Variants in RIMKLB observed in about 807,000 individuals in gnomAD.
The protein encoded by RIMKLB is beta-citrylglutamate synthase B.
Under a neutral mutation model 32.0 loss-of-function variants are expected in RIMKLB, and 7 were observed. The ratio of observed to expected loss-of-function variants is 0.22; its 90% confidence interval spans 0.12 to 0.41. RIMKLB has a LOEUF of 0.41. Among genes scored for constraint, RIMKLB ranks in the 10% least tolerant of loss-of-function variants. RIMKLB has a pLI of 1.00. For synonymous variants in RIMKLB, 172 were observed against 185.1 expected, an observed-to-expected ratio of 0.93 and a Z score of 0.57; for missense variants, 289 against 498.7, an observed-to-expected ratio of 0.58 and a Z score of 4.00.
chr12:8,752,609 A>G (rs1271625796), intron 4 of RIMKLB, among the ~76,000 whole-genome samples: 2 of 152,238 alleles, frequency 1.3e-5, no homozygotes, highest in Non-Finnish European at 2.9e-5. Flanking sequence ...TTGCCCTCTA[A>G]AGATATATAG....
At position 8,754,026 on chromosome 12, in the gene RIMKLB, A is replaced by AG. The variant is rs775480604; in HGVS notation, c.632dup (p.Arg212ProfsTer32). On this transcript the variant is annotated frameshift_variant, in exon 5 of 6. Coordinates refer to ENST00000535829, the MANE Select transcript of RIMKLB (RefSeq NM_001297776.2). LOFTEE classifies it high-confidence loss of function. ...GGGATGTACGTGTCATTGTCGTGGG[A>AG]GGCCGTGTGGTTGGCACCATGTTAC... 6.2e-7 allele frequency: 1 copy of AG among 1,614,034 alleles called. No homozygotes were observed.
At chr12:8,700,823 T>TG (rs1175691280) in intron 1 of RIMKLB, among the ~76,000 whole-genome samples, 3 of 152,242 alleles carry the variant, frequency 2.0e-5, no homozygotes, top group Admixed American at 6.5e-5. Context: ...CCCAGCACTT[T>TG]GGGAGGATGA....
At chr12:8,762,453 G>A (rs1385617776) in intron 5 of RIMKLB, among the ~76,000 whole-genome samples, 1 of 152,054 alleles carries the variant, frequency 6.6e-6, no homozygotes, top group African/African-American at 2.4e-5. Flanking sequence ...TGGCTTCAGT[G>A]TCGTCTTGGT....
At chr12:8,686,724 C>G (rs1342701139) in intron 1 of RIMKLB, among the ~76,000 whole-genome samples, 1 of 152,000 alleles carries the variant, frequency 6.6e-6, no homozygotes, top group African/African-American at 2.4e-5. Flanking sequence ...CCTCGTAATC[C>G]GCCCGCCTAG....
chr12:8,767,337 G>C (rs763343638), intron 5 of RIMKLB, among the ~76,000 whole-genome samples: 2 of 152,310 alleles, frequency 1.3e-5, no homozygotes, highest in South Asian at 4.1e-4. Flanking sequence ...GTCGAGAGCT[G>C]TATGCCTAAA....
rs148505080 is a variant in RIMKLB at position 8,753,929 on chromosome 12, C to T, written c.533C>T (p.Ala178Val). 6.2e-7 allele frequency: 1 copy of T among 1,613,914 alleles called. No individual in the cohort carries two copies. Among genetic ancestry groups the T allele is most frequent in the East Asian group, 2.2e-5 (1 of 44,882 alleles). ...TTGGCTCGAGATAAGCACCATTTGG[C>T]TGATCTAAGCCATCTTATTCGCCAT... The part of the protein sequence containing the change: ...VFLARDKHHL[A>V]DLSHLIRHEA... Residue 178 changes from alanine (A) to valine (V), a missense_variant, in exon 5 of 6, where the codon GCT (alanine) becomes GTT (valine). Physicochemically the swap from Ala to Val is moderately conservative, Grantham distance 64. Around this residue, in one of 3 missense-constraint regions of RIMKLB, gnomAD observed 156 missense variants for 329.5 expected, o/e 0.47. Transcript: ENST00000535829.
intron 1 of RIMKLB, chr12:8,700,376 C>T (rs940955320): frequency 1.3e-5 from 2 of 152,236 alleles, no homozygotes; most frequent in African/African-American, 4.8e-5. Context: ...AGATTTATTT[C>T]TCAAAGCTCC....
At position 8,774,750 on chromosome 12, in the gene RIMKLB, A is replaced by AT. The variant is rs1230827038; in HGVS notation, c.*967dup. On this transcript the variant is annotated 3_prime_UTR_variant, in exon 6 of 6. Coordinates refer to ENST00000535829, the MANE Select transcript of RIMKLB (RefSeq NM_001297776.2). ...TTTGTTTTGGTAGTTGGGCATTTAA[A>AT]TAAGGACAAGGAAAAATATTTTTGG... 6.1e-6 allele frequency: 6 copies of AT among 985,634 alleles called. No individual in the cohort carries two copies. The highest frequency in any genetic ancestry group is 7.2e-6 in the Non-Finnish European group (6 of 829,888). The allele number at this position is 985,634 out of a possible 1,614,324, so 61.1% of individuals were successfully genotyped here.
rs951630671 is a variant in RIMKLB, at chr12:8,756,881, G to A, written c.697+2788G>A. Among the ~76,000 whole-genome samples, 3 of 151,684 alleles carry A rather than the reference G, an allele frequency of 2.0e-5. No homozygotes were observed. In the South Asian group the frequency reaches 6.3e-4, roughly 32 times the overall value. ...TAATTTTTGTATTTTTAGTAGAGAT[G>A]GGGTTTCACCATGTTGACCAGGCTG... On this transcript the variant is annotated intron_variant, in intron 5 of 5. Transcript: ENST00000535829.
intron 5 of RIMKLB, among the ~76,000 whole-genome samples, chr12:8,765,712 G>A (rs1949904104): frequency 6.6e-6 from 1 of 152,068 alleles, no homozygotes; most frequent in African/African-American, 2.4e-5. Flanking sequence ...TTGGTTCATT[G>A]TTTACCCCTT....
At chr12:8,683,890 G>A (rs1364548537) in intron 1 of RIMKLB, among the ~76,000 whole-genome samples, 1 of 152,034 alleles carries the variant, frequency 6.6e-6, no homozygotes, top group Non-Finnish European at 1.5e-5. Flanking sequence ...TGAACTTAAA[G>A]GCGCCTGCCA....
At chr12:8,713,703 T>A in intron 1 of RIMKLB, 108 bp from the exon 2 acceptor site, 1 of 706,534 alleles carries the variant, frequency 1.4e-6, no homozygotes, top group South Asian at 1.9e-5. Flanking sequence ...CACGTGTTTT[T>A]TCCTGTTTAT....
chr12:8,680,817 G>A (rs571163920), upstream of RIMKLB, among the ~76,000 whole-genome samples: 1 of 152,080 alleles, frequency 6.6e-6, no homozygotes, highest in Non-Finnish European at 1.5e-5. Context: ...TGCCAATTAC[G>A]GCAGATTTTA....
rs185131814 is a variant in RIMKLB, at chr12:8,724,537, G to A, written c.175+10496G>A. 9.2e-5 allele frequency among the ~76,000 whole-genome samples: 14 copies of A among 152,306 alleles called. No homozygotes were observed. In the East Asian group the frequency reaches 2.5e-3, roughly 27 times the overall value. ...CAGTCCAGTGGCTTTAGCAGAGAAAGCCTTTGAATAGTCAGCTCATGCAGA... is the reference window on the plus strand; with the variant it reads ...CAGTCCAGTGGCTTTAGCAGAGAAAACCTTTGAATAGTCAGCTCATGCAGA... On this transcript the variant is annotated intron_variant, in intron 2 of 5. Transcript: ENST00000535829.
At chr12:8,742,763 C>A in intron 2 of RIMKLB, 1 of 225,554 alleles carries the variant, frequency 4.4e-6, no homozygotes, top group South Asian at 6.8e-5. Context: ...CTTCACTAAC[C>A]AAGTCCAGGC....
chr12:8,705,702 T>C (rs1943813486), intron 1 of RIMKLB, among the ~76,000 whole-genome samples: 1 of 152,194 alleles, frequency 6.6e-6, no homozygotes, highest in African/African-American at 2.4e-5. Context: ...TTTAAGCATT[T>C]AGCTTATGAT....
chr12:8,710,433 G>A (rs1000922702), intron 1 of RIMKLB, among the ~76,000 whole-genome samples: 4 of 150,110 alleles, frequency 2.7e-5, no homozygotes, highest in Non-Finnish European at 4.4e-5. Flanking sequence ...TCAGCCTCCC[G>A]AGTAGCTGGG....
chr12:8,772,886 G>T (rs868490112), intron 5 of RIMKLB, among the ~76,000 whole-genome samples: 1 of 152,214 alleles, frequency 6.6e-6, no homozygotes, highest in Non-Finnish European at 1.5e-5. Flanking sequence ...AGGAATGACA[G>T]CTAGATTGAA....
chr12:8,773,924 G>A lies in RIMKLB; in HGVS notation c.*140G>A. 1 of 1,433,368 alleles carries A rather than the reference G, an allele frequency of 7.0e-7. No individual in the cohort carries two copies. Among genetic ancestry groups the A allele is most frequent in the Non-Finnish European group, 9.1e-7 (1 of 1,097,168 alleles). The allele number at this position is 1,433,368 out of a possible 1,614,324, so 88.8% of individuals were successfully genotyped here. ...TAGTAGGATTAGTTGGAGAGAGTGGGAGATAGATGAGACCTCTGCTAGTAA... is the reference window on the plus strand; with the variant it reads ...TAGTAGGATTAGTTGGAGAGAGTGGAAGATAGATGAGACCTCTGCTAGTAA... On this transcript the variant is annotated 3_prime_UTR_variant, in exon 6 of 6. Transcript: ENST00000535829.
Sources: gnomAD v4.1 joint callset for allele counts (sites outside exome capture counted in the v4.1 genomes callset) on GRCh38, gnomAD v4.1.1 for gene constraint, gnomAD v4.1.1 regional missense constraint, MANE v1.5 for transcripts, NCBI Gene and HGNC (gene_info 2026-07-23, HGNC 2026-07-21) for gene names.